The following FGD4 variants were observed in gnomAD, a reference collection of about 807,000 sequenced individuals.
The protein encoded by FGD4 is FYVE, RhoGEF and PH domain containing 4.
In FGD4, 42 loss-of-function variants were observed where a neutral mutation model predicts 102.0. The observed-to-expected ratio is 0.41, with a 90% confidence interval of 0.32 to 0.53. The LOEUF is 0.53. FGD4 is among the 20% of genes least tolerant of loss of function. The probability of loss-of-function intolerance (pLI) is 0.21; values close to 1 mark genes in which losing one functional copy is unlikely to be tolerated. For synonymous variants in FGD4, 380 were observed against 375.7 expected, an observed-to-expected ratio of 1.01 and a Z score of -0.13; for missense variants, 902 against 1,078.2, an observed-to-expected ratio of 0.84 and a Z score of 2.29.
chr12:32,435,223 A>G (rs1942188442), intron 1 of FGD4, among the ~76,000 whole-genome samples: 1 of 152,224 alleles, frequency 6.6e-6, no homozygotes. Flanking sequence ...GATTGATTAC[A>G]GGTGTGAGCC....
At chr12:32,470,764 G>A (rs370037523) in intron 1 of FGD4, among the ~76,000 whole-genome samples, 31 of 152,164 alleles carry the variant, frequency 2.0e-4, no homozygotes, top group African/African-American at 6.7e-4. Flanking sequence ...TGCTTTGAAG[G>A]TTTCCTTGTC....
chr12:32,533,053 C>G (rs185759257), intron 1 of FGD4, among the ~76,000 whole-genome samples: 1 of 152,282 alleles, frequency 6.6e-6, no homozygotes, highest in East Asian at 1.9e-4. Flanking sequence ...CATCCATCAG[C>G]TCCTAGCAGG....
At chr12:32,534,079 A>G (rs944664346) in intron 1 of FGD4, among the ~76,000 whole-genome samples, 1 of 152,218 alleles carries the variant, frequency 6.6e-6, no homozygotes, top group Non-Finnish European at 1.5e-5. Context: ...GCTTTTTTAG[A>G]GCATTACTAA....
intron 9 of FGD4, 133 bp from the exon 10 acceptor site, chr12:32,611,004 G>A (rs1485146697): frequency 7.8e-7 from 1 of 1,278,976 alleles, no homozygotes; most frequent in Non-Finnish European, 1.1e-6. Context: ...GCTAATAAGT[G>A]ATGGAATTTA....
At chr12:32,612,072 C>G (rs1949175719) in intron 10 of FGD4, among the ~76,000 whole-genome samples, 1 of 152,230 alleles carries the variant, frequency 6.6e-6, no homozygotes, top group African/African-American at 2.4e-5. Context: ...TATGCCAGCC[C>G]CCTGGTATCT....
chr12:32,569,407 A>G (rs1002430945), intron 2 of FGD4, among the ~76,000 whole-genome samples: 18 of 152,090 alleles, frequency 1.2e-4, no homozygotes, highest in African/African-American at 3.6e-4. Context: ...CCTATGCACT[A>G]CTTTTGTCCA....
At chr12:32,628,340 C>G (rs1344687456) in intron 14 of FGD4, among the ~76,000 whole-genome samples, 6 of 151,626 alleles carry the variant, frequency 4.0e-5, no homozygotes, top group Non-Finnish European at 4.4e-5. Context: ...ATTCTCAGCC[C>G]TGAGGTCTCA....
intron 1 of FGD4, among the ~76,000 whole-genome samples, chr12:32,450,039 T>G (rs907506490): frequency 1.3e-5 from 2 of 152,126 alleles, no homozygotes; most frequent in African/African-American, 4.8e-5. Flanking sequence ...TTCAAGCGAT[T>G]CTTTTGCCTC....
At chr12:32,601,470 T>C (rs762692833) in intron 6 of FGD4, 47 bp downstream of exon 6, 8 of 1,567,098 alleles carry the variant, frequency 5.1e-6, no homozygotes, top group African/African-American at 2.7e-5. Context: ...AGTCATGCTG[T>C]ATTTTTCAGC....
chr12:32,618,798 T>C (rs570849600), intron 10 of FGD4, among the ~76,000 whole-genome samples: 1 of 152,252 alleles, frequency 6.6e-6, no homozygotes, highest in East Asian at 1.9e-4. Context: ...TAGCAAGACC[T>C]CATCTCTACT....
At chr12:32,586,996 G>C (rs1432063905) in intron 4 of FGD4, among the ~76,000 whole-genome samples, 1 of 152,058 alleles carries the variant, frequency 6.6e-6, no homozygotes, top group African/African-American at 2.4e-5. Flanking sequence ...TTCGAGACCA[G>C]CCTGGCCAGT....
chr12:32,584,025 C>T (rs1018910917), intron 4 of FGD4, among the ~76,000 whole-genome samples: 24 of 152,208 alleles, frequency 1.6e-4, no homozygotes, highest in Admixed American at 1.5e-3. Context: ...TTCTTCCCTT[C>T]ACATATTATT....
rs1002392901 is a variant in FGD4, at chr12:32,640,800, G to A, written c.*267G>A. 7 of 601,480 alleles carry A rather than the reference G, an allele frequency of 1.2e-5. No homozygotes were observed. Among genetic ancestry groups the A allele is most frequent in the African/African-American group, 5.6e-5 (3 of 53,852 alleles). The allele number at this position is 601,480 out of a possible 1,614,324, so 37.3% of individuals were successfully genotyped here. ...TGTGCTTTTTTGTCTTGAAGAAATG[G>A]TGTATCAATTGATTCTGTCACCGTC... On this transcript the variant is annotated 3_prime_UTR_variant, in exon 17 of 17. Transcript: ENST00000534526.
intron 1 of FGD4, among the ~76,000 whole-genome samples, chr12:32,434,543 C>G (rs1170360840): frequency 6.6e-6 from 1 of 152,160 alleles, no homozygotes; most frequent in Non-Finnish European, 1.5e-5. Context: ...TAGGCCTTTT[C>G]AAAGAGGAAA....
chr12:32,572,833 TTTAA>T (rs1330841178), intron 2 of FGD4, among the ~76,000 whole-genome samples: 1 of 152,206 alleles, frequency 6.6e-6, no homozygotes, highest in Non-Finnish European at 1.5e-5. Context: ...TTTATGTCAG[TTTAA>T]TTACCTTTTA....
chr12:32,619,657 T>G (rs779521818), intron 10 of FGD4, 41 bp from the exon 11 acceptor site: 1 of 1,608,358 alleles, frequency 6.2e-7, no homozygotes, highest in Non-Finnish European at 8.5e-7. Context: ...CAGTTTCCCC[T>G]ATTTCTTTTC....
intron 1 of FGD4, among the ~76,000 whole-genome samples, chr12:32,521,262 G>C (rs988293994): frequency 6.6e-6 from 1 of 151,446 alleles, no homozygotes; most frequent in African/African-American, 2.4e-5. Context: ...TCTAATTCCA[G>C]CTACTCGGGA....
At chr12:32,417,663 G>C (rs539876498) in intron 1 of FGD4, among the ~76,000 whole-genome samples, 1 of 151,714 alleles carries the variant, frequency 6.6e-6, no homozygotes, top group Admixed American at 6.6e-5. Context: ...TCCTCATGTT[G>C]ACCAGGCTGG....
intron 4 of FGD4, among the ~76,000 whole-genome samples, chr12:32,589,379 G>T (rs2136501611): frequency 6.6e-6 from 1 of 152,226 alleles, no homozygotes; most frequent in African/African-American, 2.4e-5. Context: ...CCTGTATTTT[G>T]TTTCTCCTGC....
Sources: gnomAD v4.1 joint callset for allele counts (sites outside exome capture counted in the v4.1 genomes callset) on GRCh38, gnomAD v4.1.1 for gene constraint, MANE v1.5 for transcripts, NCBI Gene and HGNC (gene_info 2026-07-23, HGNC 2026-07-21) for gene names.